The following IFT80 variants were observed in gnomAD, a reference collection of about 807,000 sequenced individuals.
The protein encoded by IFT80 is intraflagellar transport 80, also known as intraflagellar transport protein 80 homolog.
IFT80 carries 79 observed loss-of-function variants against 107.9 expected under a neutral mutation model. The ratio of observed to expected loss-of-function variants is 0.73; its 90% CI spans 0.61 to 0.88. The LOEUF is 0.88. IFT80 is among the 40% of genes least tolerant of loss of function. The pLI is 0.00. For missense variants in IFT80, 797 were observed against 914.2 expected (o/e 0.87, Z 1.65); for synonymous variants, 299 against 300.9 (o/e 0.99, Z 0.07).
Position 160,336,786 on chromosome 3 carries a change from G to GCT in IFT80, c.778-16849_778-16848dup, listed in dbSNP as rs149664382. ...TTATTGTAGATGGTCTGTTCTATTT[G>GCT]CTCTCTCTCTTTTTCTGGGATATAT... On this transcript the variant is annotated intron_variant, in intron 8 of 19. Coordinates refer to ENST00000326448, the MANE Select transcript of IFT80 (RefSeq NM_020800.3). 5.5e-3 allele frequency among the ~76,000 whole-genome samples: 832 copies of GCT among 151,976 alleles called. 7 individuals carry two copies. Among genetic ancestry groups the GCT allele is most frequent in the African/African-American group, 0.019 (805 of 41,448 alleles).
chr3:160,313,708 C>G (rs889845285), intron 9 of IFT80, among the ~76,000 whole-genome samples: 5 of 151,130 alleles, frequency 3.3e-5, no homozygotes, highest in Admixed American at 1.3e-4. Context: ...CTCCAGGGTT[C>G]AAGTGATTCT....
chr3:160,362,697 G>T (rs529567583), intron 6 of IFT80, among the ~76,000 whole-genome samples: 1 of 152,240 alleles, frequency 6.6e-6, no homozygotes, highest in Non-Finnish European at 1.5e-5. Flanking sequence ...TCATCCCTGG[G>T]ATGCAAGGGA....
At chr3:160,283,159 T>A (rs1176157421) in intron 13 of IFT80, among the ~76,000 whole-genome samples, 1 of 152,220 alleles carries the variant, frequency 6.6e-6, no homozygotes, top group Non-Finnish European at 1.5e-5. Flanking sequence ...TAGACTCATA[T>A]TCACTAAGTG....
intron 5 of IFT80, among the ~76,000 whole-genome samples, chr3:160,367,146 A>G (rs942318178): frequency 6.6e-6 from 1 of 152,106 alleles, no homozygotes; most frequent in Admixed American, 6.6e-5. Context: ...TCCACTGTAT[A>G]TAAGTACCAC....
At chr3:160,324,035 T>C (rs544207576) in intron 8 of IFT80, among the ~76,000 whole-genome samples, 6 of 152,034 alleles carry the variant, frequency 3.9e-5, no homozygotes, top group East Asian at 1.9e-4. Flanking sequence ...CTAGAAGAAA[T>C]TGATAAATTC....
chr3:160,310,265 A>C (rs1717147171), intron 9 of IFT80, among the ~76,000 whole-genome samples: 1 of 152,244 alleles, frequency 6.6e-6, no homozygotes. Context: ...TCAAAAGAAC[A>C]TAGGAGCCAA....
chr3:160,356,235 A>AC, intron 7 of IFT80, 85 bp from the exon 8 acceptor site: 2 of 1,189,290 alleles, frequency 1.7e-6, no homozygotes, highest in Non-Finnish European at 2.4e-6. Context: ...ATAAAATAAA[A>AC]ATGTTTTATA....
At chr3:160,325,306 A>G (rs973001976) in intron 8 of IFT80, among the ~76,000 whole-genome samples, 1 of 152,200 alleles carries the variant, frequency 6.6e-6, no homozygotes, top group African/African-American at 2.4e-5. Context: ...GAACCAAAAA[A>G]GAGCCCGCAT....
At chr3:160,343,832 AT>A in intron 8 of IFT80, 1 of 297,246 alleles carries the variant, frequency 3.4e-6, no homozygotes, top group South Asian at 2.9e-5. Flanking sequence ...ACAAAACAGA[AT>A]TTATTTTATT....
intron 10 of IFT80, among the ~76,000 whole-genome samples, chr3:160,306,993 T>A (rs980003193): frequency 1.3e-5 from 2 of 152,144 alleles, no homozygotes; most frequent in Non-Finnish European, 2.9e-5. Context: ...AAGGACAAAA[T>A]TTTTAAAAAA....
chr3:160,353,462 A>G (rs186538181), intron 8 of IFT80, among the ~76,000 whole-genome samples: 2 of 152,332 alleles, frequency 1.3e-5, no homozygotes, highest in Admixed American at 1.3e-4. Flanking sequence ...TGCATGGCAA[A>G]CACTTTAGTC....
chr3:160,313,312 C>A (rs1397496539), intron 9 of IFT80, among the ~76,000 whole-genome samples: 1 of 150,512 alleles, frequency 6.6e-6, no homozygotes, highest in Admixed American at 6.7e-5. Context: ...AACATGCTAT[C>A]TATTCAAACT....
intron 8 of IFT80, among the ~76,000 whole-genome samples, chr3:160,329,222 A>G (rs1166396442): frequency 6.6e-6 from 1 of 152,222 alleles, no homozygotes; most frequent in Non-Finnish European, 1.5e-5. Flanking sequence ...TGGTAAATAA[A>G]AAAGATCTAT....
intron 5 of IFT80, among the ~76,000 whole-genome samples, chr3:160,366,564 T>C (rs889468953): frequency 1.3e-5 from 2 of 152,114 alleles, no homozygotes; most frequent in Non-Finnish European, 2.9e-5. Flanking sequence ...TGGCAGCAAA[T>C]GTTTTTACAT....
At position 160,384,497 on chromosome 3, in the gene IFT80, T is replaced by C. The variant is rs887835897; in HGVS notation, c.37+67A>G. The C allele has an allele frequency of 2.3e-5, 32 of 1,377,854 alleles. No homozygotes were observed. The South Asian group carries it at 4.7e-4, about 20-fold the overall frequency. The allele number at this position is 1,377,854 out of a possible 1,614,324, so 85.4% of individuals were successfully genotyped here. The stretch of plus-strand genomic sequence containing the variant: ...TCTATTCTTCAACTAGGATATAAAA[T>C]AGAGAAACTTTTAACAATACTATAA... On this transcript the variant is annotated intron_variant, in intron 2 of 19. Transcript: ENST00000326448.
intron 18 of IFT80, among the ~76,000 whole-genome samples, chr3:160,270,754 C>G (rs890142585): frequency 1.3e-5 from 2 of 152,108 alleles, no homozygotes; most frequent in African/African-American, 4.8e-5. Flanking sequence ...CATGTATATC[C>G]CTAAGGCTCT....
chr3:160,379,144 C>G (rs999352349), intron 3 of IFT80, among the ~76,000 whole-genome samples: 3 of 152,052 alleles, frequency 2.0e-5, no homozygotes, highest in Non-Finnish European at 4.4e-5. Flanking sequence ...TCTGATGCCC[C>G]GAGTATTCCT....
At chr3:160,322,807 T>C (rs1412670896) in intron 8 of IFT80, among the ~76,000 whole-genome samples, 2 of 152,228 alleles carry the variant, frequency 1.3e-5, no homozygotes, top group Admixed American at 6.5e-5. Context: ...CATTTTTTCA[T>C]GTGTCTTTTG....
chr3:160,325,226 A>G (rs1399387330), intron 8 of IFT80, among the ~76,000 whole-genome samples: 1 of 152,036 alleles, frequency 6.6e-6, no homozygotes, highest in East Asian at 1.9e-4. Flanking sequence ...TATAGATTCA[A>G]TGCCATCCCC....
Sources: allele counts gnomAD v4.1 joint callset (sites outside exome capture counted in the v4.1 genomes callset), GRCh38; gene constraint gnomAD v4.1.1; transcripts MANE v1.5; gene names NCBI Gene and HGNC (gene_info 2026-07-23, HGNC 2026-07-21).